DAAM1: variants seen among roughly 807,000 people sequenced by gnomAD.
DAAM1 encodes the protein disheveled-associated activator of morphogenesis 1.
A neutral mutation model predicts 130.0 loss-of-function variants in DAAM1; 52 were observed. The ratio of observed to expected loss-of-function variants is 0.40; its 90% CI spans 0.32 to 0.50. The LOEUF (loss-of-function observed/expected upper bound fraction) is 0.50. Among genes scored for constraint, DAAM1 ranks in the 20% least tolerant of loss-of-function variants. The pLI, the probability that DAAM1 is intolerant of heterozygous loss-of-function variation, is 0.61. For missense variants in DAAM1, 1,134 were observed against 1,303.8 expected (o/e 0.87, Z 2.01); for synonymous variants, 452 against 444.5 (o/e 1.02, Z -0.21).
Position 59,305,366 on chromosome 14 carries a change from A to G in DAAM1, c.274-9914A>G, listed in dbSNP as rs112377636. Among the ~76,000 whole-genome samples, 568 of 152,318 alleles carry G rather than the reference A, an allele frequency of 3.7e-3. 3 individuals are homozygous for G. The highest frequency in any genetic ancestry group is 0.013 in the African/African-American group (535 of 41,560). On this transcript the variant is annotated intron_variant, in intron 3 of 24. Transcript: ENST00000360909. ...AGAATATTTCTTTTTCTTTGCCATG[A>G]AACTGAGGGGGAGTTGTCATATAAA...
intron 17 of DAAM1, among the ~76,000 whole-genome samples, chr14:59,348,423 T>A (rs1427897788): frequency 6.6e-6 from 1 of 152,238 alleles, no homozygotes; most frequent in Admixed American, 6.5e-5. Context: ...CACCTGTCTC[T>A]GCCCCCTGCC....
chr14:59,365,187 G>A (rs760940256), intron 23 of DAAM1, among the ~76,000 whole-genome samples: 11 of 152,158 alleles, frequency 7.2e-5, no homozygotes, highest in Admixed American at 2.0e-4. Context: ...GTGTGTGTGT[G>A]TAGGGGGTGG....
chr14:59,268,857 T>C (rs576369585), intron 2 of DAAM1, among the ~76,000 whole-genome samples: 3 of 152,362 alleles, frequency 2.0e-5, no homozygotes, highest in East Asian at 1.9e-4. Context: ...CACTCACCTA[T>C]TGAAATAAGA....
chr14:59,194,336 A>T (rs1170788074), intron 1 of DAAM1, among the ~76,000 whole-genome samples: 1 of 152,240 alleles, frequency 6.6e-6, no homozygotes, highest in African/African-American at 2.4e-5. Flanking sequence ...GTGTGAGATT[A>T]AAAATGTTGT....
intron 1 of DAAM1, among the ~76,000 whole-genome samples, chr14:59,259,859 A>T (rs1482192907): frequency 6.6e-6 from 1 of 152,168 alleles, no homozygotes; most frequent in Non-Finnish European, 1.5e-5. Context: ...CTTGGCTAAC[A>T]TGGTGAAACC....
At chr14:59,203,829 T>G (rs1319902317) in intron 1 of DAAM1, among the ~76,000 whole-genome samples, 1 of 152,232 alleles carries the variant, frequency 6.6e-6, no homozygotes, top group Non-Finnish European at 1.5e-5. Flanking sequence ...TGCAGCATGT[T>G]TCTGCTGTAG....
intron 2 of DAAM1, among the ~76,000 whole-genome samples, chr14:59,290,448 A>G (rs1281948894): frequency 6.6e-6 from 1 of 152,172 alleles, no homozygotes; most frequent in Non-Finnish European, 1.5e-5. Context: ...TGCAAGCTAT[A>G]TCAGTGTGGA....
chr14:59,353,396 C>T lies in DAAM1; in HGVS notation c.2268-480C>T, dbSNP rs372310115. ...AGTGAGGAGAGGACAATGTGGGAAG[C>T]GGATGTTGGAGACCAGTTTTTACTT... On this transcript the variant is annotated intron_variant, in intron 18 of 24. Coordinates refer to ENST00000360909, the MANE Select transcript of DAAM1 (RefSeq NM_001270520.2). 1.4e-4 allele frequency among the ~76,000 whole-genome samples: 22 copies of T among 152,198 alleles called. No homozygotes were observed. The East Asian group carries it at 3.1e-3, about 21-fold the overall frequency.
chr14:59,318,994 T>C (rs1884896828), intron 4 of DAAM1, among the ~76,000 whole-genome samples: 1 of 152,224 alleles, frequency 6.6e-6, no homozygotes, highest in Non-Finnish European at 1.5e-5. Context: ...CAAGGAATGA[T>C]CTTCATAAAA....
Position 59,363,899 on chromosome 14 carries a change from A to T in DAAM1, c.2826+117A>T, listed in dbSNP as rs1886812319. 4.3e-6 allele frequency: 6 copies of T among 1,402,562 alleles called. No individual in the cohort carries two copies. The Admixed American group carries it at 6.1e-5, about 14-fold the overall frequency. The allele number at this position is 1,402,562 out of a possible 1,614,324, so 86.9% of individuals were successfully genotyped here. On this transcript the variant is annotated intron_variant, in intron 23 of 24. Transcript: ENST00000360909. ...GAGTGAGATCCAAACTTCGTGGTGCAGGAAATAAAGTAGTAGATAATTACT... is the reference window on the plus strand; with the variant it reads ...GAGTGAGATCCAAACTTCGTGGTGCTGGAAATAAAGTAGTAGATAATTACT...
intron 1 of DAAM1, among the ~76,000 whole-genome samples, chr14:59,213,287 G>C (rs1280500604): frequency 7.9e-6 from 1 of 125,862 alleles, no homozygotes; most frequent in Non-Finnish European, 1.5e-5. Flanking sequence ...TCTGCTTTAA[G>C]CTCTTATATA....
chr14:59,243,281 G>A (rs1336094827), intron 1 of DAAM1, among the ~76,000 whole-genome samples: 2 of 152,000 alleles, frequency 1.3e-5, no homozygotes, highest in African/African-American at 4.8e-5. Context: ...CCAGATTTCT[G>A]TTTGGTCTCA....
chr14:59,307,795 A>G (rs1686615694), intron 3 of DAAM1, among the ~76,000 whole-genome samples: 1 of 152,200 alleles, frequency 6.6e-6, no homozygotes, highest in South Asian at 2.1e-4. Flanking sequence ...AGGTGTAAAA[A>G]ACAATGCTCT....
chr14:59,230,397 G>A (rs1889069141), intron 1 of DAAM1, among the ~76,000 whole-genome samples: 2 of 151,666 alleles, frequency 1.3e-5, no homozygotes, highest in Non-Finnish European at 2.9e-5. Flanking sequence ...TCCTGGGCTG[G>A]GTTTCTTTCT....
intron 2 of DAAM1, among the ~76,000 whole-genome samples, chr14:59,285,841 A>G (rs1332302167): frequency 6.6e-6 from 1 of 152,090 alleles, no homozygotes; most frequent in Non-Finnish European, 1.5e-5. Flanking sequence ...TCAACACCCT[A>G]CCAACAGTGT....
chr14:59,288,865 G>A (rs548488990), intron 2 of DAAM1, among the ~76,000 whole-genome samples: 6 of 151,808 alleles, frequency 4.0e-5, no homozygotes, highest in African/African-American at 9.6e-5. Flanking sequence ...GAGAGAGCGC[G>A]CGAAGGGGGC....
chr14:59,335,592 T>G (rs1207814329), intron 15 of DAAM1, among the ~76,000 whole-genome samples: 1 of 152,156 alleles, frequency 6.6e-6, no homozygotes, highest in Non-Finnish European at 1.5e-5. Context: ...GGCACTACAT[T>G]TACCTAAAGG....
At chr14:59,333,243 G>T (rs940527485) in intron 15 of DAAM1, among the ~76,000 whole-genome samples, 1 of 152,150 alleles carries the variant, frequency 6.6e-6, no homozygotes, top group Non-Finnish European at 1.5e-5. Flanking sequence ...GCGGTTGCCT[G>T]CCATAGTGAC....
Position 59,278,724 on chromosome 14 carries a change from A to C in DAAM1, c.184-12493A>C, listed in dbSNP as rs143267536. Among the ~76,000 whole-genome samples the C allele has an allele frequency of 5.3e-5, 8 of 152,316 alleles. No homozygotes were observed. The East Asian group carries it at 1.5e-3, about 29-fold the overall frequency. ...CTGTTGCTTGGCCTAAATGGAATACACACTAATATAATTTATGTAACTTTC... is the reference window on the plus strand; with the variant it reads ...CTGTTGCTTGGCCTAAATGGAATACCCACTAATATAATTTATGTAACTTTC... On this transcript the variant is annotated intron_variant, in intron 2 of 24. Coordinates refer to ENST00000360909, the MANE Select transcript of DAAM1 (RefSeq NM_001270520.2).
Sources: gnomAD v4.1 joint callset for allele counts (sites outside exome capture counted in the v4.1 genomes callset) on GRCh38, gnomAD v4.1.1 for gene constraint, MANE v1.5 for transcripts, NCBI Gene and HGNC (gene_info 2026-07-23, HGNC 2026-07-21) for gene names.